TNIK: variants seen among roughly 807,000 people sequenced by gnomAD.
TNIK encodes TRAF2 and NCK interacting kinase.
A neutral mutation model predicts 191.3 loss-of-function variants in TNIK; 49 were observed. The observed-to-expected ratio is 0.26, with a 90% confidence interval of 0.20 to 0.32. The LOEUF (loss-of-function observed/expected upper bound fraction) is 0.32. Among genes scored for constraint, TNIK ranks in the 10% least tolerant of loss-of-function variants. The pLI is 1.00. For synonymous variants in TNIK, 594 were observed against 600.9 expected, an observed-to-expected ratio of 0.99 and a Z score of 0.17; for missense variants, 1,155 against 1,702.3, an observed-to-expected ratio of 0.68 and a Z score of 5.66.
chr3:171,183,800 A>C (rs1487900107), intron 7 of TNIK, among the ~76,000 whole-genome samples: 1 of 151,836 alleles, frequency 6.6e-6, no homozygotes, highest in African/African-American at 2.4e-5. Flanking sequence ...GGGCGCCTGT[A>C]ATCCCAGCTA....
intron 1 of TNIK, among the ~76,000 whole-genome samples, chr3:171,431,543 C>G (rs762434250): frequency 3.3e-5 from 5 of 151,836 alleles, no homozygotes; most frequent in Admixed American, 6.6e-5. Flanking sequence ...TTTTAATGAG[C>G]CTACATTAAG....
intron 2 of TNIK, among the ~76,000 whole-genome samples, chr3:171,338,033 C>T (rs1038987860): frequency 3.3e-5 from 5 of 152,186 alleles, no homozygotes; most frequent in Admixed American, 1.3e-4. Flanking sequence ...ATCGAAACTA[C>T]GTACCTTTGA....
chr3:171,401,484 G>A (rs1720948838), intron 1 of TNIK, among the ~76,000 whole-genome samples: 2 of 152,146 alleles, frequency 1.3e-5, no homozygotes, highest in Admixed American at 6.5e-5. Context: ...ATAGGTGTAA[G>A]AGCAGGAAAC....
At chr3:171,198,236 C>T (rs1234362965) in intron 4 of TNIK, among the ~76,000 whole-genome samples, 1 of 149,198 alleles carries the variant, frequency 6.7e-6, no homozygotes, top group Non-Finnish European at 1.5e-5. Flanking sequence ...GTGCTCCAGC[C>T]TGGGTGACAG....
At chr3:171,301,960 T>C (rs1229199299) in intron 2 of TNIK, among the ~76,000 whole-genome samples, 1 of 152,224 alleles carries the variant, frequency 6.6e-6, no homozygotes, top group Non-Finnish European at 1.5e-5. Context: ...TGTATACACA[T>C]ACATATACAT....
At chr3:171,126,228 A>G (rs893242651) in intron 16 of TNIK, 77 bp from the exon 17 acceptor site, 43 of 270,624 alleles carry the variant, frequency 1.6e-4, no homozygotes, top group East Asian at 1.4e-4. Context: ...GAGCTGAAGG[A>G]AAAAAAAAAA....
intron 24 of TNIK, among the ~76,000 whole-genome samples, chr3:171,086,746 A>G (rs1392399992): frequency 6.6e-6 from 1 of 152,224 alleles, no homozygotes; most frequent in East Asian, 1.9e-4. Flanking sequence ...GGTGTCAGTC[A>G]TCAGCGTCTA....
chr3:171,150,040 C>T (rs1732225395), intron 12 of TNIK, among the ~76,000 whole-genome samples: 2 of 151,888 alleles, frequency 1.3e-5, no homozygotes, highest in African/African-American at 2.4e-5. Context: ...GGAGTGTGGT[C>T]CAGTGGGTAG....
chr3:171,218,527 G>GTT (rs143053587), intron 3 of TNIK, among the ~76,000 whole-genome samples: 11 of 138,704 alleles, frequency 7.9e-5, no homozygotes, highest in African/African-American at 1.0e-4. Flanking sequence ...ATTGGAATGA[G>GTT]TTTTTTTTTT....
chr3:171,215,766 C>A (rs1260102547), intron 3 of TNIK, among the ~76,000 whole-genome samples: 2 of 152,146 alleles, frequency 1.3e-5, no homozygotes, highest in Non-Finnish European at 2.9e-5. Context: ...CACAGGGGAA[C>A]ACACTTTAAG....
At chr3:171,320,504 A>G (rs1238215662) in intron 2 of TNIK, among the ~76,000 whole-genome samples, 1 of 152,212 alleles carries the variant, frequency 6.6e-6, no homozygotes, top group African/African-American at 2.4e-5. Flanking sequence ...AAAGGGAAAA[A>G]GTACTTCTGA....
chr3:171,201,459 G>A (rs116437296), intron 4 of TNIK, among the ~76,000 whole-genome samples: 2,736 of 152,030 alleles, frequency 0.018, 35 homozygotes, highest in Middle Eastern at 0.031. Context: ...AAACTTCCAA[G>A]AACACAATTC....
rs779132472 is a variant in TNIK at position 171,101,535 on chromosome 3, C to T, written c.2505G>A (p.Glu835=). The T allele has an allele frequency of 1.2e-6, 2 of 1,613,606 alleles. No individual in the cohort carries two copies. Among genetic ancestry groups the T allele is most frequent in the East Asian group, 4.5e-5 (2 of 44,886 alleles). ...CCTCCTCTTCCTCGCTACTTTCTGACTCCTCACTGGAGGAGGAGTAATCAG... is the reference window on the plus strand; with the variant it reads ...CCTCCTCTTCCTCGCTACTTTCTGATTCCTCACTGGAGGAGGAGTAATCAG... ...KVTDYSSSSE[E]SESSEEEEED... is the part of the protein sequence containing the mutation. The change falls in exon 22 of 33, where the codon GAG becomes GAA. Residue 835 remains glutamate, a synonymous_variant. Transcript: ENST00000436636.
At chr3:171,337,974 G>C in intron 2 of TNIK, among the ~76,000 whole-genome samples, 1 of 152,196 alleles carries the variant, frequency 6.6e-6, no homozygotes, top group Non-Finnish European at 1.5e-5. Flanking sequence ...GCAGAAGGGA[G>C]AGAAGCTGTT....
chr3:171,402,533 C>T (rs1412252224), intron 1 of TNIK, among the ~76,000 whole-genome samples: 1 of 152,118 alleles, frequency 6.6e-6, no homozygotes, highest in Non-Finnish European at 1.5e-5. Flanking sequence ...GGAAATACTG[C>T]TATTATTGTT....
At chr3:171,141,183 G>A (rs1730784670) in intron 12 of TNIK, among the ~76,000 whole-genome samples, 1 of 152,296 alleles carries the variant, frequency 6.6e-6, no homozygotes, top group East Asian at 1.9e-4. Flanking sequence ...CAATTACCAT[G>A]CCTCCAACAG....
chr3:171,295,862 T>G (rs1475605079), intron 2 of TNIK, among the ~76,000 whole-genome samples: 1 of 152,052 alleles, frequency 6.6e-6, no homozygotes, highest in Non-Finnish European at 1.5e-5. Flanking sequence ...GCCAGCTCTT[T>G]AAAAGCAGGA....
chr3:171,187,828 C>T (rs898867330), intron 7 of TNIK, among the ~76,000 whole-genome samples: 11 of 152,266 alleles, frequency 7.2e-5, no homozygotes, highest in Admixed American at 6.5e-5. Flanking sequence ...ACCTCTGAAA[C>T]CAGCCCAAGC....
Position 171,058,494 on chromosome 3 carries a change from A to G in TNIK, c.*5387T>C, listed in dbSNP as rs1025130404. Among the ~76,000 whole-genome samples, 20 of 152,308 alleles carry G rather than the reference A, an allele frequency of 1.3e-4. No homozygotes were observed. The highest frequency in any genetic ancestry group is 4.6e-4 in the African/African-American group (19 of 41,564). On this transcript the variant is annotated 3_prime_UTR_variant, in exon 33 of 33. Transcript: ENST00000436636. ...GACATGGTAGTTACCATGTGGGGAA[A>G]CCTATCAAAGCATTTTTAATGACTG...
Sources: gnomAD v4.1 joint callset for allele counts (sites outside exome capture counted in the v4.1 genomes callset) on GRCh38, gnomAD v4.1.1 for gene constraint, MANE v1.5 for transcripts, NCBI Gene and HGNC (gene_info 2026-07-23, HGNC 2026-07-21) for gene names.